The following ZFR variants were observed in gnomAD, a reference collection of about 807,000 sequenced individuals.
ZFR encodes zinc finger RNA-binding protein.
ZFR carries 19 observed loss-of-function variants against 130.7 expected under a neutral mutation model. The ratio of observed to expected loss-of-function variants is 0.15; its 90% confidence interval spans 0.10 to 0.21. The LOEUF (loss-of-function observed/expected upper bound fraction) is 0.21, where lower values mean the gene tolerates loss of function less well. ZFR is among the 10% of genes least tolerant of loss of function. ZFR has a pLI of 1.00. For missense variants in ZFR, 872 were observed against 1,321.5 expected, an observed-to-expected ratio of 0.66 and a Z score of 5.27; for synonymous variants, 466 against 456.9, an observed-to-expected ratio of 1.02 and a Z score of -0.25.
chr5:32,424,976 T>C (rs779130121), intron 2 of ZFR, among the ~76,000 whole-genome samples: 2 of 152,210 alleles, frequency 1.3e-5, no homozygotes, highest in Non-Finnish European at 2.9e-5. Flanking sequence ...ACTCATATAC[T>C]GTCTAGCTTT....
chr5:32,399,071 C>G (rs374580335), intron 9 of ZFR, among the ~76,000 whole-genome samples: 1 of 151,848 alleles, frequency 6.6e-6, no homozygotes, highest in African/African-American at 2.4e-5. Flanking sequence ...GTCAGGAGTT[C>G]GAGACCAGCC....
rs1208266137 is a variant in ZFR, at chr5:32,444,704, T to C, written c.-46A>G. Reference sequence around the variant, plus strand: ...GAACTCTGAACTCTCACCCGCTGCCTCCCTCCTCTGCCCCGCTCCTCCTCA... The same window carrying C: ...GAACTCTGAACTCTCACCCGCTGCCCCCCTCCTCTGCCCCGCTCCTCCTCA... On this transcript the variant is annotated 5_prime_UTR_variant, in exon 1 of 20. Transcript: ENST00000265069. The C allele has an allele frequency of 2.5e-5, 38 of 1,500,466 alleles. No individual in the cohort carries two copies. Among genetic ancestry groups the C allele is most frequent in the Non-Finnish European group, 3.4e-5 (38 of 1,124,586 alleles). The allele number at this position is 1,500,466 out of a possible 1,614,324, so 92.9% of individuals were successfully genotyped here. A position where few individuals can be genotyped will look rare whatever the true frequency, so the allele number is the denominator to read the frequency against.
chr5:32,405,599 A>C (rs1304853186), intron 6 of ZFR, among the ~76,000 whole-genome samples: 1 of 152,224 alleles, frequency 6.6e-6, no homozygotes, highest in Non-Finnish European at 1.5e-5. Flanking sequence ...TCTTATGTCC[A>C]AGTCTGGCAC....
At chr5:32,393,110 A>G (rs1753219139) in intron 11 of ZFR, among the ~76,000 whole-genome samples, 1 of 152,238 alleles carries the variant, frequency 6.6e-6, no homozygotes, top group Non-Finnish European at 1.5e-5. Flanking sequence ...ATGAACACAA[A>G]AGCAAACATG....
chr5:32,379,515 T>C, intron 16 of ZFR: 1 of 292,236 alleles, frequency 3.4e-6, no homozygotes, highest in Non-Finnish European at 6.5e-6. Flanking sequence ...CTGCCTACAT[T>C]AGAAATAAAA....
At chr5:32,366,564 C>G (rs1219256384) in intron 17 of ZFR, among the ~76,000 whole-genome samples, 1 of 152,090 alleles carries the variant, frequency 6.6e-6, no homozygotes, top group Non-Finnish European at 1.5e-5. Flanking sequence ...ACCTCTGACA[C>G]CATTTACTGT....
intron 5 of ZFR, among the ~76,000 whole-genome samples, chr5:32,410,846 T>C (rs1162274559): frequency 6.6e-6 from 1 of 152,318 alleles, no homozygotes; most frequent in Middle Eastern, 3.4e-3. Context: ...AACAATGGTT[T>C]CTCTGATTTG....
At position 32,417,822 on chromosome 5, in the gene ZFR, C is replaced by A. The variant is rs780802694; in HGVS notation, c.421-30G>T. On this transcript the variant is annotated intron_variant, in intron 3 of 19. Coordinates refer to ENST00000265069, the MANE Select transcript of ZFR (RefSeq NM_016107.5). Reference sequence around the variant, plus strand: ...AGAAAAGGAATGAAAGAAAATCTTGCTATGAGACAAGTGGAAGGAAAAAAA... The same window carrying A: ...AGAAAAGGAATGAAAGAAAATCTTGATATGAGACAAGTGGAAGGAAAAAAA... 4.7e-5 allele frequency: 75 copies of A among 1,605,920 alleles called. No homozygotes were observed. In the South Asian group the frequency reaches 6.4e-4, roughly 14 times the overall value.
At chr5:32,430,079 C>CAAAA (rs56163955) in intron 2 of ZFR, among the ~76,000 whole-genome samples, 16,198 of 69,768 alleles carry the variant, frequency 0.23, 2,100 homozygotes, top group Middle Eastern at 0.36. Context: ...GACCCTATTT[C>CAAAA]AAAAAAAAAA....
At chr5:32,368,398 G>A (rs1279548356) in intron 17 of ZFR, among the ~76,000 whole-genome samples, 2 of 152,186 alleles carry the variant, frequency 1.3e-5, no homozygotes, top group Admixed American at 1.3e-4. Flanking sequence ...ACCACGCCCA[G>A]CTAATTTTGT....
At chr5:32,422,539 G>C (rs545667786) in intron 2 of ZFR, among the ~76,000 whole-genome samples, 1 of 152,270 alleles carries the variant, frequency 6.6e-6, no homozygotes, top group South Asian at 2.1e-4. Flanking sequence ...GCTCACACCA[G>C]TAATCCCAGC....
chr5:32,372,217 A>G (rs986521763), intron 17 of ZFR, among the ~76,000 whole-genome samples: 3 of 152,246 alleles, frequency 2.0e-5, no homozygotes, highest in African/African-American at 4.8e-5. Context: ...GAGTTATCAA[A>G]AAAGGTGAGA....
intron 4 of ZFR, among the ~76,000 whole-genome samples, chr5:32,416,932 C>CTT (rs1366869704): frequency 2.2e-4 from 32 of 143,164 alleles, no homozygotes; most frequent in Non-Finnish European, 4.1e-4. Flanking sequence ...TTTTATTATA[C>CTT]TTTAAGTTCT....
rs1267102913 is a variant in ZFR, at chr5:32,403,404, A to T, written c.1225-7T>A. On this transcript the variant is annotated splice_polypyrimidine_tract_variant and splice_region_variant and intron_variant, in intron 7 of 19. Coordinates refer to ENST00000265069, the MANE Select transcript of ZFR (RefSeq NM_016107.5). ...TTGTGTGTAACTTAACCACCTATAA[A>T]ACAAAAGCACACTTATTTGTCAGGA... 1 of 1,606,454 alleles carries T rather than the reference A, an allele frequency of 6.2e-7. No individual in the cohort carries two copies. Among genetic ancestry groups the T allele is most frequent in the Non-Finnish European group, 8.5e-7 (1 of 1,174,630 alleles).
At chr5:32,389,926 G>A (rs989058293) in intron 12 of ZFR, among the ~76,000 whole-genome samples, 1 of 152,174 alleles carries the variant, frequency 6.6e-6, no homozygotes, top group Non-Finnish European at 1.5e-5. Context: ...CCAGGCGGAC[G>A]GATCTCCTGA....
intron 19 of ZFR, among the ~76,000 whole-genome samples, chr5:32,358,434 G>A (rs572894532): frequency 4.6e-5 from 7 of 152,234 alleles, no homozygotes; most frequent in African/African-American, 1.4e-4. Flanking sequence ...GCCTAGACTG[G>A]CGCATCACGA....
intron 9 of ZFR, among the ~76,000 whole-genome samples, chr5:32,398,683 C>T (rs1361663493): frequency 6.6e-6 from 1 of 152,076 alleles, no homozygotes; most frequent in Non-Finnish European, 1.5e-5. Flanking sequence ...TTTTCTTTTT[C>T]TTGTTTTCTT....
At chr5:32,431,192 G>T (rs996744310) in intron 2 of ZFR, among the ~76,000 whole-genome samples, 7 of 152,310 alleles carry the variant, frequency 4.6e-5, no homozygotes, top group Admixed American at 2.6e-4. Flanking sequence ...TGAGCAAAAA[G>T]AGTGGTAAAT....
At chr5:32,436,630 A>T (rs537834961) in intron 2 of ZFR, among the ~76,000 whole-genome samples, 38 of 152,246 alleles carry the variant, frequency 2.5e-4, no homozygotes, top group African/African-American at 9.1e-4. Flanking sequence ...CACTTCACAA[A>T]TAATGTTTTC....
Sources: allele counts gnomAD v4.1 joint callset (sites outside exome capture counted in the v4.1 genomes callset), GRCh38; gene constraint gnomAD v4.1.1; transcripts MANE v1.5; gene names NCBI Gene and HGNC (gene_info 2026-07-23, HGNC 2026-07-21).